Variants in TANC2 observed in about 807,000 individuals in gnomAD.
TANC2 encodes protein TANC2.
A neutral mutation model predicts 210.5 loss-of-function variants in TANC2; 26 were observed. That is an observed-to-expected ratio of 0.12 (90% CI 0.09 to 0.17). TANC2 has a LOEUF of 0.17. Ranked by LOEUF, TANC2 falls within the 10% of genes least tolerant of loss-of-function variation. TANC2 has a pLI of 1.00. For missense variants in TANC2, 2,129 were observed against 2,608.9 expected (o/e 0.82, Z 4.01); for synonymous variants, 931 against 967.1 (o/e 0.96, Z 0.69).
At chr17:63,116,314 C>T (rs1238848420) in intron 4 of TANC2, among the ~76,000 whole-genome samples, 4 of 152,196 alleles carry the variant, frequency 2.6e-5, no homozygotes, top group South Asian at 4.1e-4. Flanking sequence ...AGTACCATTA[C>T]GACAATTCTA....
At chr17:63,332,121 T>C in intron 11 of TANC2, 1 of 351,296 alleles carries the variant, frequency 2.8e-6, no homozygotes, top group South Asian at 2.6e-5. Flanking sequence ...GGAGAATTTT[T>C]GAGCAGAAAA....
Position 62,999,099 on chromosome 17 carries a change from T to C in TANC2, c.-23-10438T>C, listed in dbSNP as rs190872787. Among the ~76,000 whole-genome samples, 4 of 152,068 alleles carry C rather than the reference T, an allele frequency of 2.6e-5. No homozygotes were observed. In the East Asian group the frequency reaches 5.8e-4, roughly 22 times the overall value. The stretch of plus-strand genomic sequence containing the variant: ...AAGTGCGGCAGGGCCTTGTGGGAGG[T>C]ATTTGGGTCATGGGAGCAGATCCCT... On this transcript the variant is annotated intron_variant, in intron 1 of 27. Transcript: ENST00000689528.
rs1324540547 is a variant in TANC2, at chr17:63,091,059, GT to G, written c.140-8104del. Among the ~76,000 whole-genome samples the G allele has an allele frequency of 2.8e-4, 40 of 141,318 alleles. 1 individual carries two copies. The highest frequency in any genetic ancestry group is 1.7e-3 in the East Asian group (8 of 4,834). 92.7% of individuals were successfully genotyped at this position (141,318 alleles called of 152,430 possible). A position where few individuals can be genotyped will look rare whatever the true frequency, so the allele number is the denominator to read the frequency against. ...TGCCCACTTGTTGATGGGGTTGTTT[GT>G]TTTTTTTTTTTGTAAATTTGTTTAA... On this transcript the variant is annotated intron_variant, in intron 3 of 27. Transcript: ENST00000689528.
At chr17:63,332,332 C>A in intron 11 of TANC2, 1 of 312,452 alleles carries the variant, frequency 3.2e-6, no homozygotes, top group South Asian at 3.0e-5. Flanking sequence ...CTTACTAATT[C>A]CACTTCTTGA....
chr17:63,240,037 A>T (rs2042731877), intron 8 of TANC2, among the ~76,000 whole-genome samples: 1 of 152,166 alleles, frequency 6.6e-6, no homozygotes, highest in African/African-American at 2.4e-5. Flanking sequence ...AACAATGGGG[A>T]TTACAATTCA....
chr17:63,062,870 A>G lies in TANC2; in HGVS notation c.68-11073A>G, dbSNP rs59384539. On this transcript the variant is annotated intron_variant, in intron 2 of 27. Transcript: ENST00000689528. ...TTTTTCCCCACCACGCAATTCTTCAATTCTCTGAAGACACCAATCAGGTGT... is the reference window on the plus strand; with the variant it reads ...TTTTTCCCCACCACGCAATTCTTCAGTTCTCTGAAGACACCAATCAGGTGT... Among the ~76,000 whole-genome samples, 357 of 152,246 alleles carry G rather than the reference A, an allele frequency of 2.3e-3. 3 individuals are homozygous for G. Among genetic ancestry groups the G allele is most frequent in the African/African-American group, 7.5e-3 (313 of 41,528 alleles).
At chr17:63,416,918 T>TC (rs2048881076) in intron 26 of TANC2, among the ~76,000 whole-genome samples, 1 of 152,188 alleles carries the variant, frequency 6.6e-6, no homozygotes. Context: ...CACCAAGGCC[T>TC]CCCCTGCACC....
intron 2 of TANC2, among the ~76,000 whole-genome samples, chr17:63,067,050 G>C (rs993013536): frequency 6.6e-6 from 1 of 152,072 alleles, no homozygotes; most frequent in African/African-American, 2.4e-5. Context: ...CCACTTCAGG[G>C]TACACAGGCA....
chr17:63,123,361 T>C (rs972563680), intron 4 of TANC2, among the ~76,000 whole-genome samples: 1 of 151,962 alleles, frequency 6.6e-6, no homozygotes, highest in Non-Finnish European at 1.5e-5. Flanking sequence ...ATCAAGACCA[T>C]ACTGGCTGGC....
intron 9 of TANC2, among the ~76,000 whole-genome samples, chr17:63,295,852 A>C (rs1267037586): frequency 6.6e-6 from 1 of 152,228 alleles, no homozygotes; most frequent in African/African-American, 2.4e-5. Context: ...AAATACTATA[A>C]GAATTTTATG....
At chr17:63,296,660 A>G (rs2044546328) in intron 9 of TANC2, among the ~76,000 whole-genome samples, 1 of 152,234 alleles carries the variant, frequency 6.6e-6, no homozygotes, top group African/African-American at 2.4e-5. Flanking sequence ...AAAGGAAACC[A>G]TGGATGAAAG....
intron 1 of TANC2, among the ~76,000 whole-genome samples, chr17:62,990,390 C>T (rs1363396830): frequency 6.6e-6 from 1 of 152,054 alleles, no homozygotes; most frequent in Non-Finnish European, 1.5e-5. Flanking sequence ...AATCCTCCCA[C>T]CTCAGCCTCC....
intron 7 of TANC2, among the ~76,000 whole-genome samples, chr17:63,229,770 A>AT (rs200009079): frequency 0.25 from 32,281 of 130,548 alleles, 3,924 homozygotes; most frequent in South Asian, 0.32. Context: ...GATTGTTTGT[A>AT]TTTTTTTTTT....
chr17:63,240,137 A>C (rs1262513993), intron 8 of TANC2, among the ~76,000 whole-genome samples: 1 of 152,242 alleles, frequency 6.6e-6, no homozygotes, highest in Non-Finnish European at 1.5e-5. Flanking sequence ...TTCCGAAAAG[A>C]AGCATGTAAA....
At chr17:63,346,368 T>G (rs1407370969) in intron 12 of TANC2, among the ~76,000 whole-genome samples, 2 of 152,226 alleles carry the variant, frequency 1.3e-5, no homozygotes, top group Non-Finnish European at 2.9e-5. Context: ...TATGTTTCTG[T>G]GTGTGAGAGA....
At chr17:63,009,723 A>G in intron 2 of TANC2, 97 bp downstream of exon 2, 2 of 1,004,526 alleles carry the variant, frequency 2.0e-6, no homozygotes, top group South Asian at 3.1e-5. Context: ...TTAATGCTTA[A>G]CTTAGAACTT....
chr17:63,185,421 A>G (rs1315744311), intron 5 of TANC2, among the ~76,000 whole-genome samples: 1 of 152,160 alleles, frequency 6.6e-6, no homozygotes, highest in Non-Finnish European at 1.5e-5. Flanking sequence ...TTGGGCTATG[A>G]TGAACAGTTT....
intron 8 of TANC2, among the ~76,000 whole-genome samples, chr17:63,257,209 T>C (rs2043221559): frequency 6.6e-6 from 1 of 152,154 alleles, no homozygotes; most frequent in Non-Finnish European, 1.5e-5. Context: ...CTCATTGTTT[T>C]GTGTTCTTCT....
intron 15 of TANC2, among the ~76,000 whole-genome samples, chr17:63,386,262 A>G (rs2047776332): frequency 1.3e-5 from 2 of 152,224 alleles, no homozygotes; most frequent in Admixed American, 1.3e-4. Flanking sequence ...GTGAATCCCA[A>G]TTCAAACCAA....
Sources: gnomAD v4.1 joint callset for allele counts (sites outside exome capture counted in the v4.1 genomes callset) on GRCh38, gnomAD v4.1.1 for gene constraint, MANE v1.5 for transcripts, NCBI Gene and HGNC (gene_info 2026-07-23, HGNC 2026-07-21) for gene names.